Variants in DLG2 observed in about 807,000 individuals in gnomAD.
DLG2 encodes the protein disks large homolog 2.
Under a neutral mutation model 132.5 loss-of-function variants are expected in DLG2, and 45 were observed. The observed-to-expected ratio is 0.34, with a 90% CI of 0.27 to 0.44. The LOEUF is 0.44. Ranked by LOEUF, DLG2 falls within the 20% of genes least tolerant of loss-of-function variation. The probability of loss-of-function intolerance (pLI) is 1.00; values close to 1 mark genes in which losing one functional copy is unlikely to be tolerated. For synonymous variants in DLG2, 424 were observed against 419.6 expected, an observed-to-expected ratio of 1.01 and a Z score of -0.13; for missense variants, 1,045 against 1,196.9, an observed-to-expected ratio of 0.87 and a Z score of 1.87.
intron 17 of DLG2, among the ~76,000 whole-genome samples, chr11:83,799,083 T>A (rs1203832398): frequency 1.3e-5 from 2 of 152,206 alleles, no homozygotes; most frequent in Non-Finnish European, 2.9e-5. Context: ...CTGAACAAGG[T>A]GATACATAAA....
Position 83,658,000 on chromosome 11 carries a change from C to T in DLG2, c.1826-24675G>A, listed in dbSNP as rs570099301. Among the ~76,000 whole-genome samples the T allele has an allele frequency of 3.5e-3, 531 of 152,204 alleles. 1 individual carries two copies. The highest frequency in any genetic ancestry group is 0.012 in the African/African-American group (510 of 41,532). On this transcript the variant is annotated intron_variant, in intron 18 of 27. Transcript: ENST00000376104. Reference sequence around the variant, plus strand: ...AGGAAGACATGGCTCTGCTGTGTGACCTCTGTGGAATAAGGATAATAGCCA... The same window carrying T: ...AGGAAGACATGGCTCTGCTGTGTGATCTCTGTGGAATAAGGATAATAGCCA...
chr11:84,412,062 A>G (rs1019650482), intron 7 of DLG2, among the ~76,000 whole-genome samples: 2 of 150,530 alleles, frequency 1.3e-5, no homozygotes, highest in Admixed American at 1.3e-4. Context: ...CTACATCTGC[A>G]ATCTTTAGCA....
chr11:84,410,574 C>CTTTTTTT (rs367980167), intron 7 of DLG2, among the ~76,000 whole-genome samples: 4 of 109,094 alleles, frequency 3.7e-5, no homozygotes, highest in Non-Finnish European at 5.5e-5. Flanking sequence ...ACCACATAAA[C>CTTTTTTT]TTTTTTTTTT....
intron 6 of DLG2, among the ~76,000 whole-genome samples, chr11:85,030,488 G>A (rs2060913125): frequency 6.6e-6 from 1 of 152,164 alleles, no homozygotes; most frequent in Non-Finnish European, 1.5e-5. Context: ...CTTCAAAACA[G>A]TAAGAGTACA....
chr11:84,674,947 T>C (rs545685584), intron 6 of DLG2, among the ~76,000 whole-genome samples: 1 of 152,282 alleles, frequency 6.6e-6, no homozygotes, highest in African/African-American at 2.4e-5. Context: ...TTAATTTTCC[T>C]GTCACCGACT....
chr11:84,391,947 T>A (rs1485187359), intron 7 of DLG2, among the ~76,000 whole-genome samples: 1 of 152,174 alleles, frequency 6.6e-6, no homozygotes, highest in Non-Finnish European at 1.5e-5. Context: ...TCTGAGTGGG[T>A]CACTGGAAAT....
At chr11:84,130,274 A>G (rs1458592584) in intron 9 of DLG2, among the ~76,000 whole-genome samples, 3 of 151,956 alleles carry the variant, frequency 2.0e-5, no homozygotes, top group Non-Finnish European at 4.4e-5. Flanking sequence ...TCATTGCAAC[A>G]TTTTTATTCT....
chr11:85,270,858 G>GT (rs1437362657), intron 4 of DLG2, among the ~76,000 whole-genome samples: 3 of 152,188 alleles, frequency 2.0e-5, no homozygotes, highest in Non-Finnish European at 4.4e-5. Flanking sequence ...CATTCAAGAG[G>GT]TGACTTGGGT....
intron 6 of DLG2, among the ~76,000 whole-genome samples, chr11:84,675,149 C>T (rs1465853806): frequency 6.6e-6 from 1 of 152,146 alleles, no homozygotes; most frequent in Non-Finnish European, 1.5e-5. Flanking sequence ...CTGCGGCCCC[C>T]TCTATCCAGA....
intron 16 of DLG2, among the ~76,000 whole-genome samples, chr11:83,862,808 G>A (rs922983191): frequency 1.3e-5 from 2 of 152,062 alleles, no homozygotes; most frequent in African/African-American, 4.8e-5. Flanking sequence ...GAGAAAATTG[G>A]TCACTTAGGG....
chr11:85,311,615 C>G (rs1375672158), intron 3 of DLG2, among the ~76,000 whole-genome samples: 1 of 151,786 alleles, frequency 6.6e-6, no homozygotes, highest in Non-Finnish European at 1.5e-5. Flanking sequence ...CATTGAATAG[C>G]TCGAAATTCA....
At chr11:84,710,648 A>C (rs978831318) in intron 6 of DLG2, among the ~76,000 whole-genome samples, 1 of 151,928 alleles carries the variant, frequency 6.6e-6, no homozygotes, top group Non-Finnish European at 1.5e-5. Flanking sequence ...GTTACAGTGC[A>C]CTGGACCAGC....
At chr11:84,379,021 C>T (rs908357669) in intron 7 of DLG2, among the ~76,000 whole-genome samples, 1 of 151,744 alleles carries the variant, frequency 6.6e-6, no homozygotes, top group Non-Finnish European at 1.5e-5. Flanking sequence ...AAAGTTGTCC[C>T]CAGGTGTCTG....
At chr11:84,552,215 C>T (rs1350970061) in intron 6 of DLG2, among the ~76,000 whole-genome samples, 1 of 152,170 alleles carries the variant, frequency 6.6e-6, no homozygotes, top group African/African-American at 2.4e-5. Context: ...TCCCCCATCA[C>T]ACCCTTGTTT....
intron 16 of DLG2, among the ~76,000 whole-genome samples, chr11:83,859,163 C>G (rs532637440): frequency 6.6e-6 from 1 of 152,242 alleles, no homozygotes; most frequent in African/African-American, 2.4e-5. Flanking sequence ...TGAACTAATA[C>G]AGTAAATTGG....
chr11:85,171,080 A>G (rs1187431247), intron 4 of DLG2, among the ~76,000 whole-genome samples: 2 of 152,224 alleles, frequency 1.3e-5, no homozygotes, highest in Non-Finnish European at 2.9e-5. Flanking sequence ...GTGATACACA[A>G]AATATTTACC....
intron 3 of DLG2, among the ~76,000 whole-genome samples, chr11:85,429,280 C>A (rs1381405219): frequency 1.3e-5 from 2 of 152,128 alleles, no homozygotes; most frequent in African/African-American, 4.8e-5. Flanking sequence ...TTTTATGAGA[C>A]CAGCATCATC....
intron 9 of DLG2, among the ~76,000 whole-genome samples, chr11:84,136,505 T>C (rs1307156686): frequency 6.6e-6 from 1 of 152,152 alleles, no homozygotes; most frequent in Non-Finnish European, 1.5e-5. Context: ...GAAAATGAGA[T>C]ATGAGAATCT....
intron 6 of DLG2, among the ~76,000 whole-genome samples, chr11:84,779,016 G>A (rs1188857416): frequency 6.6e-6 from 1 of 152,154 alleles, no homozygotes; most frequent in Non-Finnish European, 1.5e-5. Context: ...CAGGCCTTCA[G>A]CCACTGATGA....
Sources: gnomAD v4.1 joint callset for allele counts (sites outside exome capture counted in the v4.1 genomes callset) on GRCh38, gnomAD v4.1.1 for gene constraint, MANE v1.5 for transcripts, NCBI Gene and HGNC (gene_info 2026-07-23, HGNC 2026-07-21) for gene names.